The following ADGRL4 variants were observed in gnomAD, a reference collection of about 807,000 sequenced individuals.
The protein encoded by ADGRL4 is EGF, latrophilin and seven transmembrane domain containing 1.
Under a neutral mutation model 74.8 loss-of-function variants are expected in ADGRL4, and 90 were observed. That is an observed-to-expected ratio of 1.20 (90% confidence interval 1.02 to 1.43). The LOEUF is 1.43. ADGRL4 is among the 40% of genes most tolerant of loss of function. ADGRL4 has a pLI of 0.00. For synonymous variants in ADGRL4, 311 were observed against 279.2 expected (o/e 1.11, Z -1.14); for missense variants, 881 against 814.3 (o/e 1.08, Z -1.00).
chr1:78,903,178 A>G (rs1030083342), intron 12 of ADGRL4, among the ~76,000 whole-genome samples: 1 of 152,168 alleles, frequency 6.6e-6, no homozygotes, highest in African/African-American at 2.4e-5. Flanking sequence ...TTGTTCCTCA[A>G]GGTGGAGGAA....
intron 7 of ADGRL4, among the ~76,000 whole-genome samples, chr1:78,933,379 T>A (rs140737964): frequency 9.2e-5 from 14 of 151,402 alleles, no homozygotes; most frequent in African/African-American, 3.4e-4. Context: ...AAATTCAGCA[T>A]CCCTTCATGT....
In ADGRL4 at chr1:78,984,536, AG is replaced by A. The variant is rs148569557; in HGVS notation, c.172+20533del. Among the ~76,000 whole-genome samples the A allele has an allele frequency of 3.6e-3, 541 of 151,902 alleles. 2 individuals carry two copies. The highest frequency in any genetic ancestry group is 0.013 in the African/African-American group (520 of 41,524). On this transcript the variant is annotated intron_variant, in intron 2 of 14. Transcript: ENST00000370742. ...TGACATGACAGCAGTCAGTGACAAA[AG>A]GCACAAAATGTAGTGTATGCAAGTT...
chr1:78,956,855 C>T (rs1325428107), intron 2 of ADGRL4, among the ~76,000 whole-genome samples: 1 of 152,098 alleles, frequency 6.6e-6, no homozygotes, highest in Non-Finnish European at 1.5e-5. Context: ...TCTTACTAAG[C>T]CTCACTTTAT....
chr1:78,945,961 T>C (rs1447895840), intron 3 of ADGRL4, among the ~76,000 whole-genome samples: 1 of 152,174 alleles, frequency 6.6e-6, no homozygotes, highest in Non-Finnish European at 1.5e-5. Flanking sequence ...TTCTAAAGTG[T>C]AAACATTTAT....
Position 79,005,210 on chromosome 1 carries a change from G to C in ADGRL4, c.32C>G (p.Ser11Cys). 1 of 1,599,634 alleles carries C rather than the reference G, an allele frequency of 6.3e-7. No homozygotes were observed. The highest frequency in any genetic ancestry group is 8.5e-7 in the Non-Finnish European group (1 of 1,174,646). Residue 11 changes from serine to cysteine, a missense_variant, in exon 2 of 15, where the codon TCC becomes TGC. Ser to Cys is a moderately radical substitution (Grantham distance 112). Transcript: ENST00000370742. MKRLPLLVVF[S>C]TLLNCSYTQN... is the part of the protein sequence containing the mutation. ...AGTATAGGAACAATTCAACAAAGTG[G>C]AAAAAACCACTAAATAAAATAGAGA... is the stretch of plus-strand genomic sequence containing the variant.
At chr1:78,891,301 A>G (rs1303157365) in intron 14 of ADGRL4, 85 bp from the exon 15 acceptor site, 2 of 1,409,356 alleles carry the variant, frequency 1.4e-6, no homozygotes, top group Non-Finnish European at 1.9e-6. Flanking sequence ...AAATTGTTAC[A>G]TATGGTTTTC....
At chr1:78,978,468 T>C (rs1650333715) in intron 2 of ADGRL4, among the ~76,000 whole-genome samples, 1 of 151,984 alleles carries the variant, frequency 6.6e-6, no homozygotes. Context: ...AAAATAGTTT[T>C]CAATAGTCAA....
chr1:78,922,960 T>C (rs1345310717), intron 8 of ADGRL4, among the ~76,000 whole-genome samples: 1 of 151,954 alleles, frequency 6.6e-6, no homozygotes, highest in Non-Finnish European at 1.5e-5. Context: ...ATAAGATAAT[T>C]GTTTTAATGG....
At chr1:78,943,199 C>T (rs538929215) in intron 3 of ADGRL4, among the ~76,000 whole-genome samples, 5 of 152,048 alleles carry the variant, frequency 3.3e-5, no homozygotes, top group African/African-American at 4.8e-5. Flanking sequence ...CAATTATCAT[C>T]GAGTGCTCCA....
At chr1:78,946,558 T>G in intron 2 of ADGRL4, 132 bp from the exon 3 acceptor site, 1 of 675,356 alleles carries the variant, frequency 1.5e-6, no homozygotes, top group Non-Finnish European at 2.4e-6. Context: ...CAAACCTTAG[T>G]GCTAAAGAAT....
intron 2 of ADGRL4, among the ~76,000 whole-genome samples, chr1:78,980,325 T>C (rs916977951): frequency 2.0e-5 from 3 of 151,908 alleles, no homozygotes; most frequent in Admixed American, 6.6e-5. Context: ...TTCTGAAGAG[T>C]GGCGACTTTG....
At chr1:78,904,572 C>G (rs1483429059) in intron 12 of ADGRL4, among the ~76,000 whole-genome samples, 1 of 151,922 alleles carries the variant, frequency 6.6e-6, no homozygotes, top group African/African-American at 2.4e-5. Flanking sequence ...GAGGTGCATA[C>G]ATTTTACTGA....
chr1:78,892,610 C>G (rs1196761307), intron 13 of ADGRL4, among the ~76,000 whole-genome samples: 1 of 152,042 alleles, frequency 6.6e-6, no homozygotes. Flanking sequence ...AGTATTGAAA[C>G]TACAGGAGTG....
At chr1:78,936,523 TATA>T (rs1187451466) in intron 6 of ADGRL4, 112 bp from the exon 7 acceptor site, 10 of 972,522 alleles carry the variant, frequency 1.0e-5, no homozygotes, top group African/African-American at 5.1e-5. Context: ...TTAAATTATT[TATA>T]ACAAGTAGAG....
Position 78,971,145 on chromosome 1 carries a change from C to A in ADGRL4, c.173-24719G>T, listed in dbSNP as rs183032909. Among the ~76,000 whole-genome samples, 311 of 152,250 alleles carry A rather than the reference C, an allele frequency of 2.0e-3. 1 individual carries two copies. The highest frequency in any genetic ancestry group is 6.5e-3 in the African/African-American group (272 of 41,542). On this transcript the variant is annotated intron_variant, in intron 2 of 14. Coordinates refer to ENST00000370742, the MANE Select transcript of ADGRL4 (RefSeq NM_022159.4). ...GAAAATGGCCCCTTCTGCTGGGAAC[C>A]CTTAGATAGGCCTCTAAGAAAACTC...
At chr1:78,900,042 T>C (rs978175391) in intron 12 of ADGRL4, among the ~76,000 whole-genome samples, 3 of 152,014 alleles carry the variant, frequency 2.0e-5, no homozygotes, top group African/African-American at 7.3e-5. Flanking sequence ...GGAGATTTGG[T>C]GGGAGAGATA....
chr1:78,890,758 C>A lies in ADGRL4; in HGVS notation c.*396G>T, dbSNP rs910512047. 1.7e-5 allele frequency: 3 copies of A among 172,294 alleles called. No individual in the cohort carries two copies. Among genetic ancestry groups the A allele is most frequent in the East Asian group, 3.2e-4 (2 of 6,198 alleles). The allele number at this position is 172,294 out of a possible 1,614,324, so 10.7% of individuals were successfully genotyped here. On this transcript the variant is annotated 3_prime_UTR_variant, in exon 15 of 15. Coordinates refer to ENST00000370742, the MANE Select transcript of ADGRL4 (RefSeq NM_022159.4). ...CACTTTCTGTAATGGAGCTCATTAC[C>A]GAGGTGGTAGGGGACTAGTTTCAAA...
chr1:78,990,421 A>G (rs1650584246), intron 2 of ADGRL4, among the ~76,000 whole-genome samples: 1 of 151,932 alleles, frequency 6.6e-6, no homozygotes. Context: ...CCAATAATTG[A>G]TAAGACTTAG....
intron 2 of ADGRL4, among the ~76,000 whole-genome samples, chr1:78,963,457 A>G (rs1649994386): frequency 6.6e-6 from 1 of 152,144 alleles, no homozygotes. Context: ...TGCTGTCAAC[A>G]TTGTCTTTCT....
Sources: allele counts gnomAD v4.1 joint callset (sites outside exome capture counted in the v4.1 genomes callset), GRCh38; gene constraint gnomAD v4.1.1; transcripts MANE v1.5; gene names NCBI Gene and HGNC (gene_info 2026-07-23, HGNC 2026-07-21).